The following ADK variants were observed in gnomAD, a reference collection of about 807,000 sequenced individuals.
ADK encodes adenosine kinase.
In ADK, 24 loss-of-function variants were observed where a neutral mutation model predicts 44.7. The observed-to-expected ratio is 0.54, with a 90% CI of 0.39 to 0.76. The LOEUF (loss-of-function observed/expected upper bound fraction) is 0.76. Ranked by LOEUF, ADK falls within the 30% of genes least tolerant of loss-of-function variation. The pLI is 0.00. For missense variants in ADK, 321 were observed against 425.1 expected (o/e 0.76, Z 2.15); for synonymous variants, 128 against 142.6 (o/e 0.90, Z 0.73).
At chr10:74,336,798 A>G (rs1337464520) in intron 4 of ADK, among the ~76,000 whole-genome samples, 1 of 152,132 alleles carries the variant, frequency 6.6e-6, no homozygotes, top group African/African-American at 2.4e-5. Flanking sequence ...TAATCCCCAG[A>G]TTGCTTATAA....
chr10:74,513,421 T>C (rs1300428954), intron 6 of ADK, among the ~76,000 whole-genome samples: 1 of 152,170 alleles, frequency 6.6e-6, no homozygotes. Flanking sequence ...TGCTTCAGTA[T>C]TGGGTGCATA....
At chr10:74,201,668 GTATGTATGTATC>G (rs1198961009) in intron 2 of ADK, among the ~76,000 whole-genome samples, 272 of 124,034 alleles carry the variant, frequency 2.2e-3, no homozygotes, top group African/African-American at 3.3e-3. Context: ...ATGTATGTAT[GTATGTATGTATC>G]TATCTATCTA....
chr10:74,173,158 T>C (rs1842216561), intron 1 of ADK, among the ~76,000 whole-genome samples: 5 of 151,378 alleles, frequency 3.3e-5, no homozygotes, highest in Admixed American at 2.6e-4. Flanking sequence ...AGTGGCATGA[T>C]CTCTGCTCAC....
chr10:74,262,335 A>C (rs904325146), intron 3 of ADK, among the ~76,000 whole-genome samples: 1 of 152,046 alleles, frequency 6.6e-6, no homozygotes, highest in African/African-American at 2.4e-5. Flanking sequence ...AAAAAACAAA[A>C]AAACTCCTCA....
At chr10:74,645,017 C>A (rs1372946444) in intron 9 of ADK, among the ~76,000 whole-genome samples, 1 of 152,094 alleles carries the variant, frequency 6.6e-6, no homozygotes, top group Non-Finnish European at 1.5e-5. Context: ...CAGAGCAGCC[C>A]ACTGTGTTTC....
chr10:74,506,288 C>G (rs1424713907), intron 6 of ADK: 2 of 237,710 alleles, frequency 8.4e-6, no homozygotes, highest in East Asian at 2.8e-4. Flanking sequence ...ATTCATCTAT[C>G]TTGAAATGGT....
chr10:74,501,956 A>G (rs901849822), intron 6 of ADK, among the ~76,000 whole-genome samples: 4 of 152,126 alleles, frequency 2.6e-5, no homozygotes, highest in African/African-American at 9.7e-5. Flanking sequence ...CACTGTGAAT[A>G]TAATTTTATG....
At chr10:74,193,189 T>C (rs1363511387) in intron 1 of ADK, among the ~76,000 whole-genome samples, 1 of 152,198 alleles carries the variant, frequency 6.6e-6, no homozygotes. Context: ...ATAGCCACTG[T>C]ATAGTGTCTA....
intron 1 of ADK, chr10:74,174,335 A>AAAAG: frequency 6.6e-6 from 1 of 151,580 alleles, no homozygotes; most frequent in Non-Finnish European, 1.5e-5. Context: ...AAAAAAAAAA[A>AAAAG]AAAGAACCAG....
intron 6 of ADK, among the ~76,000 whole-genome samples, chr10:74,461,669 T>C (rs1260630349): frequency 1.3e-5 from 2 of 152,072 alleles, no homozygotes; most frequent in Non-Finnish European, 1.5e-5. Flanking sequence ...TTCACCTACT[T>C]CCTAAGCTAG....
intron 1 of ADK, among the ~76,000 whole-genome samples, chr10:74,184,792 C>A (rs1842688082): frequency 6.6e-6 from 1 of 152,136 alleles, no homozygotes; most frequent in African/African-American, 2.4e-5. Flanking sequence ...GCATTACAAT[C>A]ATTTTGTTGT....
At chr10:74,485,314 T>C (rs993565908) in intron 6 of ADK, among the ~76,000 whole-genome samples, 1 of 151,920 alleles carries the variant, frequency 6.6e-6, no homozygotes, top group African/African-American at 2.4e-5. Flanking sequence ...GGAAATGCAT[T>C]AGCCGGGCAT....
intron 6 of ADK, among the ~76,000 whole-genome samples, chr10:74,485,847 A>G (rs1256689406): frequency 6.6e-6 from 1 of 152,152 alleles, no homozygotes; most frequent in Non-Finnish European, 1.5e-5. Flanking sequence ...AAGATGCAAT[A>G]TTTGTCCATT....
chr10:74,291,419 AAACAAC>A (rs1245288806), intron 3 of ADK, among the ~76,000 whole-genome samples: 6 of 151,962 alleles, frequency 3.9e-5, no homozygotes, highest in African/African-American at 1.2e-4. Flanking sequence ...TCCGTCTCAA[AAACAAC>A]AACAACAACA....
At chr10:74,194,043 A>G (rs1233982725) in intron 1 of ADK, among the ~76,000 whole-genome samples, 1 of 152,178 alleles carries the variant, frequency 6.6e-6, no homozygotes, top group African/African-American at 2.4e-5. Flanking sequence ...CTTGATATAC[A>G]GTACCAGGAG....
At chr10:74,350,604 G>GA (rs565478541) in intron 4 of ADK, among the ~76,000 whole-genome samples, 97 of 152,006 alleles carry the variant, frequency 6.4e-4, no homozygotes, top group Admixed American at 1.2e-3. Flanking sequence ...AAAAACCCTT[G>GA]AAAAAAATCA....
At chr10:74,469,454 T>C (rs1846479283) in intron 6 of ADK, among the ~76,000 whole-genome samples, 1 of 152,154 alleles carries the variant, frequency 6.6e-6, no homozygotes, top group Non-Finnish European at 1.5e-5. Context: ...CTTGAACTCC[T>C]GGGGCTCGAG....
At position 74,377,259 on chromosome 10, in the gene ADK, C is replaced by A. The variant is rs566761941; in HGVS notation, c.274-16882C>A. On this transcript the variant is annotated intron_variant, in intron 4 of 10. Transcript: ENST00000539909. ...AAATCTGGAAAAGAGAACTTTATTT[C>A]TGAGAAGGGTTACAACCTGTAGGCT... Among the ~76,000 whole-genome samples, 39 of 152,234 alleles carry A rather than the reference C, an allele frequency of 2.6e-4. 1 individual carries two copies. In the East Asian group the frequency reaches 7.5e-3, roughly 29 times the overall value.
At chr10:74,428,661 T>A (rs1300820123) in intron 6 of ADK, among the ~76,000 whole-genome samples, 1 of 152,214 alleles carries the variant, frequency 6.6e-6, no homozygotes, top group Non-Finnish European at 1.5e-5. Flanking sequence ...CATTTTGCAG[T>A]CATCATGTTA....
Sources: allele counts gnomAD v4.1 joint callset (sites outside exome capture counted in the v4.1 genomes callset), GRCh38; gene constraint gnomAD v4.1.1; transcripts MANE v1.5; gene names NCBI Gene and HGNC (gene_info 2026-07-23, HGNC 2026-07-21).